Variants in CDC42BPA observed in about 807,000 individuals in gnomAD.
The protein encoded by CDC42BPA is CDC42 binding protein kinase alpha, also known as serine/threonine-protein kinase MRCK alpha.
Under a neutral mutation model 223.5 loss-of-function variants are expected in CDC42BPA, and 80 were observed. That is an observed-to-expected ratio of 0.36 (90% confidence interval 0.30 to 0.43). CDC42BPA has a LOEUF of 0.43. Ranked by LOEUF, CDC42BPA falls within the 20% of genes least tolerant of loss-of-function variation. The pLI is 1.00. For synonymous variants in CDC42BPA, 694 were observed against 718.6 expected (o/e 0.97, Z 0.55); for missense variants, 1,743 against 2,099.9 (o/e 0.83, Z 3.32).
At chr1:227,041,315 G>C (rs879642247) in intron 23 of CDC42BPA, among the ~76,000 whole-genome samples, 1 of 152,028 alleles carries the variant, frequency 6.6e-6, no homozygotes, top group Non-Finnish European at 1.5e-5. Flanking sequence ...CCCTTCTCTA[G>C]TAGTCCCCAG....
chr1:227,128,241 G>A (rs1656257708), intron 11 of CDC42BPA, among the ~76,000 whole-genome samples: 1 of 152,128 alleles, frequency 6.6e-6, no homozygotes, highest in Non-Finnish European at 1.5e-5. Flanking sequence ...CACATATTTT[G>A]CAGATAACTG....
In CDC42BPA at chr1:226,994,330, A is replaced by AT; in HGVS notation, c.5202_5203insA (p.Ser1735IlefsTer14). 1 of 1,600,024 alleles carries AT rather than the reference A, an allele frequency of 6.2e-7. No homozygotes were observed. Among genetic ancestry groups the AT allele is most frequent in the Non-Finnish European group, 8.5e-7 (1 of 1,172,138 alleles). On this transcript the variant is annotated frameshift_variant, in exon 37 of 37. Coordinates refer to ENST00000366766, the MANE Select transcript of CDC42BPA (RefSeq NM_001394014.1). LOFTEE classifies it high-confidence loss of function. This position sits in a 1 kb window ranked among gnomAD's most constrained non-coding sequence, Gnocchi z 4.0. ...GAGAGGCTCTTGGTTTTTCGGGGTG[A>AT]AGCTGGGCTTGGGGGGCTGCTTAGG...
intron 17 of CDC42BPA, among the ~76,000 whole-genome samples, chr1:227,079,277 T>C (rs1298746185): frequency 1.3e-5 from 2 of 152,166 alleles, no homozygotes; most frequent in African/African-American, 2.4e-5. Flanking sequence ...GAAAAGTGTA[T>C]AGTGAGTGTT....
At chr1:227,177,840 GTC>G (rs1667233865) in intron 5 of CDC42BPA, among the ~76,000 whole-genome samples, 1 of 151,774 alleles carries the variant, frequency 6.6e-6, no homozygotes, top group African/African-American at 2.4e-5. Flanking sequence ...CAATCTTTTT[GTC>G]TGTTTTTCAT....
intron 21 of CDC42BPA, among the ~76,000 whole-genome samples, chr1:227,057,890 T>G (rs1434013795): frequency 6.6e-6 from 1 of 152,156 alleles, no homozygotes; most frequent in Non-Finnish European, 1.5e-5. Flanking sequence ...GCAAGGCAAG[T>G]GAGACATAAT....
chr1:227,227,995 T>C (rs1465222520), intron 2 of CDC42BPA, among the ~76,000 whole-genome samples: 1 of 152,176 alleles, frequency 6.6e-6, no homozygotes, highest in Non-Finnish European at 1.5e-5. Context: ...TGTCTACTTG[T>C]TCTATTGGCT....
At chr1:227,014,987 T>C (rs1177876544) in intron 34 of CDC42BPA, among the ~76,000 whole-genome samples, 2 of 152,108 alleles carry the variant, frequency 1.3e-5, no homozygotes, top group African/African-American at 2.4e-5. Flanking sequence ...TTTTTTGAGA[T>C]AGGGTCTTGC....
Position 227,193,904 on chromosome 1 carries a change from C to G in CDC42BPA, c.481G>C (p.Asp161His). 2.5e-6 allele frequency: 4 copies of G among 1,611,338 alleles called. No individual in the cohort carries two copies. The highest frequency in any genetic ancestry group is 3.4e-6 in the Non-Finnish European group (4 of 1,178,498). Reference protein sequence around the residue: ...YLVMDYYVGGDLLTLLSKFED... With the variant: ...YLVMDYYVGGHLLTLLSKFED... ...AATTTGCTGAGTAGAGTAAGCAAAT[C>G]CCCACCAACATAATAATCCATAACC... Residue 161 changes from aspartate (D) to histidine (H), a missense_variant, in exon 5 of 37, where the codon GAT becomes CAT. By Grantham distance (81) the Asp-to-His change is moderately conservative (BLOSUM62 -1). Transcript: ENST00000366766.
intron 2 of CDC42BPA, among the ~76,000 whole-genome samples, chr1:227,230,915 G>C (rs1025363005): frequency 2.7e-5 from 4 of 148,062 alleles, no homozygotes; most frequent in African/African-American, 1.0e-4. Context: ...CCGACACCCG[G>C]GTTCAAGCGA....
intron 5 of CDC42BPA, among the ~76,000 whole-genome samples, chr1:227,174,344 T>G (rs1666601060): frequency 6.6e-6 from 1 of 152,210 alleles, no homozygotes; most frequent in Non-Finnish European, 1.5e-5. Flanking sequence ...AAAATATTTC[T>G]ATCTCATTGT....
chr1:227,161,614 A>G (rs901632925), intron 5 of CDC42BPA, among the ~76,000 whole-genome samples: 1 of 152,214 alleles, frequency 6.6e-6, no homozygotes, highest in Non-Finnish European at 1.5e-5. Flanking sequence ...AGTGTGTTGT[A>G]TATCACGAGT....
At chr1:227,010,783 G>T in intron 34 of CDC42BPA, 1 of 605,734 alleles carries the variant, frequency 1.7e-6, no homozygotes, top group Non-Finnish European at 2.3e-6. Context: ...AGGTTCACAA[G>T]ATGGCACCAT....
Position 226,991,039 on chromosome 1 carries a change from C to A in CDC42BPA, c.*3229G>T, listed in dbSNP as rs550050829. 6.6e-6 allele frequency: 1 copy of A among 152,644 alleles called. No individual in the cohort carries two copies. Among genetic ancestry groups the A allele is most frequent in the Non-Finnish European group, 1.5e-5 (1 of 68,026 alleles). 9.5% of individuals were successfully genotyped at this position (152,644 alleles called of 1,614,324 possible). On this transcript the variant is annotated 3_prime_UTR_variant, in exon 37 of 37. Transcript: ENST00000366766. ...TACATAATAACAAAAAATGTAAGAT[C>A]TACTTTAGCAATCATTTGACAAGAA...
At chr1:227,214,144 C>T (rs955454291) in intron 2 of CDC42BPA, among the ~76,000 whole-genome samples, 3 of 151,532 alleles carry the variant, frequency 2.0e-5, no homozygotes, top group Non-Finnish European at 2.9e-5. Context: ...AAACTATATA[C>T]AGCAGATCTT....
intron 2 of CDC42BPA, among the ~76,000 whole-genome samples, chr1:227,248,437 T>C (rs1218186999): frequency 2.0e-5 from 3 of 151,192 alleles, no homozygotes; most frequent in East Asian, 3.9e-4. Context: ...AAAATCAACA[T>C]ACAAAAATCA....
intron 17 of CDC42BPA, among the ~76,000 whole-genome samples, chr1:227,075,210 C>T (rs1679208156): frequency 6.6e-6 from 1 of 152,152 alleles, no homozygotes; most frequent in Non-Finnish European, 1.5e-5. Context: ...GTATTCTAAA[C>T]ACACTTTGGG....
intron 24 of CDC42BPA, 52 bp from the exon 25 acceptor site, chr1:227,035,659 A>G: frequency 7.0e-7 from 1 of 1,429,814 alleles, no homozygotes; most frequent in South Asian, 1.3e-5. Flanking sequence ...TAACAAAAAG[A>G]AAATTCGTAA....
intron 10 of CDC42BPA, among the ~76,000 whole-genome samples, chr1:227,133,512 G>C (rs949058417): frequency 2.0e-5 from 3 of 152,224 alleles, no homozygotes; most frequent in Admixed American, 2.0e-4. Flanking sequence ...GCGGTTTTGT[G>C]GAATAGAAAG....
At chr1:227,273,337 G>A (rs553945568) in intron 1 of CDC42BPA, among the ~76,000 whole-genome samples, 6 of 151,462 alleles carry the variant, frequency 4.0e-5, no homozygotes, top group East Asian at 2.0e-4. Context: ...CCTCCAAGGC[G>A]GGCAGATCAC....
Sources: gnomAD v4.1 joint callset for allele counts (sites outside exome capture counted in the v4.1 genomes callset) on GRCh38, gnomAD v4.1.1 for gene constraint, Gnocchi (gnomAD v3.1) non-coding constraint, MANE v1.5 for transcripts, NCBI Gene and HGNC (gene_info 2026-07-23, HGNC 2026-07-21) for gene names.